The following KLK3 variants were observed in gnomAD, a reference collection of about 807,000 sequenced individuals.
KLK3 encodes the protein prostate-specific antigen.
In KLK3, 23 loss-of-function variants were observed where a neutral mutation model predicts 27.7. The observed-to-expected ratio is 0.83, with a 90% CI of 0.60 to 1.17. The LOEUF (loss-of-function observed/expected upper bound fraction) is 1.17. Ranked by LOEUF, KLK3 falls within the 50% of genes most tolerant of loss-of-function variation. The pLI, the probability that KLK3 is intolerant of heterozygous loss-of-function variation, is 0.00. For missense variants in KLK3, 322 were observed against 338.1 expected (o/e 0.95, Z 0.37); for synonymous variants, 142 against 134.2 (o/e 1.06, Z -0.40).
In KLK3 at chr19:50,854,976, C is replaced by A. The variant is rs1336910940; in HGVS notation, c.21C>A (p.Phe7Leu). The A allele has an allele frequency of 6.2e-7, 1 of 1,613,906 alleles. No individual in the cohort carries two copies. Among genetic ancestry groups the A allele is most frequent in the African/African-American group, 1.3e-5 (1 of 75,010 alleles). ...TCACCATGTGGGTCCCGGTTGTCTT[C>A]CTCACCCTGTCCGTGACGTGGATTG... Reference protein sequence around the residue: MWVPVVFLTLSVTWIGA... With the variant: MWVPVVLLTLSVTWIGA... The change falls in exon 1 of 5, where the codon TTC becomes TTA. Residue 7 changes from phenylalanine (F) to leucine (L), a missense_variant. By Grantham distance (22) the Phe-to-Leu change is conservative. Transcript: ENST00000326003.
rs942756958 is a variant in KLK3, at chr19:50,856,154, A to G, written c.47-86A>G. On this transcript the variant is annotated intron_variant, in intron 1 of 4. Coordinates refer to ENST00000326003, the MANE Select transcript of KLK3 (RefSeq NM_001648.2). ...GTTCTCTGCCCCCGTGTCTTTTCAA[A>G]CCCACATCCTAAATCCATCTCCTAT... The G allele has an allele frequency of 2.7e-5, 34 of 1,268,012 alleles. No individual in the cohort carries two copies. The Admixed American group carries it at 6.2e-4, about 23-fold the overall frequency. 78.5% of individuals were successfully genotyped at this position (1,268,012 alleles called of 1,614,324 possible).
At position 50,860,199 on chromosome 19, in the gene KLK3, C is replaced by G; in HGVS notation, c.*72C>G. ...TGACCAGGCCAAGACTCAAGCCTCCCCAGTTCTACTGACCTTTGTCCTTAG... is the reference window on the plus strand; with the variant it reads ...TGACCAGGCCAAGACTCAAGCCTCCGCAGTTCTACTGACCTTTGTCCTTAG... On this transcript the variant is annotated 3_prime_UTR_variant, in exon 5 of 5. Coordinates refer to ENST00000326003, the MANE Select transcript of KLK3 (RefSeq NM_001648.2). The G allele has an allele frequency of 1.7e-6, 2 of 1,175,656 alleles. No individual in the cohort carries two copies. Among genetic ancestry groups the G allele is most frequent in the Non-Finnish European group, 2.5e-6 (2 of 804,754 alleles). The allele number at this position is 1,175,656 out of a possible 1,614,324, so 72.8% of individuals were successfully genotyped here.
At chr19:50,856,796 C>T (rs1568495446) in intron 2 of KLK3, 1 of 181,546 alleles carries the variant, frequency 5.5e-6, no homozygotes, top group Non-Finnish European at 1.1e-5. Context: ...CTCTGTCTCT[C>T]GGTCTCTGTC....
At chr19:50,855,071 C>T (rs1418780510) in intron 1 of KLK3, 70 bp downstream of exon 1, 14 of 1,523,922 alleles carry the variant, frequency 9.2e-6, no homozygotes, top group Non-Finnish European at 1.2e-5. Context: ...GAGGCTCTTT[C>T]CCCCCCAACC....
chr19:50,859,911 G>A lies in KLK3; in HGVS notation c.631-61G>A, dbSNP rs2090173904. 3.9e-6 allele frequency: 6 copies of A among 1,551,328 alleles called. No homozygotes were observed. The South Asian group carries it at 4.9e-5, about 13-fold the overall frequency. On this transcript the variant is annotated intron_variant, in intron 4 of 4. Transcript: ENST00000326003. Reference sequence around the variant, plus strand: ...TCTGCCTGTCCAGGTCTGAAAGATAGGATTGCCCAGGCAGAAACTGGGACT... The same window carrying A: ...TCTGCCTGTCCAGGTCTGAAAGATAAGATTGCCCAGGCAGAAACTGGGACT...
chr19:50,856,222 C>A lies in KLK3; in HGVS notation c.47-18C>A. 6.2e-7 allele frequency: 1 copy of A among 1,606,576 alleles called. No individual in the cohort carries two copies. The highest frequency in any genetic ancestry group is 8.5e-7 in the Non-Finnish European group (1 of 1,176,464). ...TCCTGTCAACCCTGATTCCCCTGAT[C>A]TAGCACCCCCTCTGCAGGTGCTGCA... On this transcript the variant is annotated intron_variant, in intron 1 of 4. Transcript: ENST00000326003.
At chr19:50,858,796 T>C in intron 4 of KLK3, 1 of 633,040 alleles carries the variant, frequency 1.6e-6, no homozygotes, top group East Asian at 2.7e-5. Flanking sequence ...ACAGCACAAC[T>C]CATCTGTTCC....
At chr19:50,859,450 C>A in intron 4 of KLK3, 1 of 1,183,776 alleles carries the variant, frequency 8.4e-7, no homozygotes, top group Non-Finnish European at 1.3e-6. Context: ...ATTGTCCCCA[C>A]CTGGGCCCTT....
At chr19:50,859,525 C>A (rs1380424676) in intron 4 of KLK3, 12 of 1,610,322 alleles carry the variant, frequency 7.5e-6, no homozygotes, top group Non-Finnish European at 9.3e-6. Context: ...TCCACCTACC[C>A]ACAGTGGGTC....
intron 4 of KLK3, chr19:50,858,990 C>A: frequency 2.9e-6 from 1 of 344,350 alleles, no homozygotes; most frequent in Non-Finnish European, 5.3e-6. Context: ...GGTGATCAGG[C>A]TCTCGGGGAG....
chr19:50,858,247 C>G lies in KLK3; in HGVS notation c.425C>G (p.Pro142Arg). Residue 142 changes from proline to arginine, a missense_variant, in exon 3 of 5, where the codon CCC becomes CGC. By Grantham distance (103) the Pro-to-Arg change is moderately radical. Transcript: ENST00000326003. Reference sequence around the variant, plus strand: ...GATGCTGTGAAGGTCATGGACCTGCCCACCCAGGAGCCAGCACTGGGGACC... The same window carrying G: ...GATGCTGTGAAGGTCATGGACCTGCGCACCCAGGAGCCAGCACTGGGGACC... Reference protein sequence around the residue: ...LTDAVKVMDLPTQEPALGTTC... With the variant: ...LTDAVKVMDLRTQEPALGTTC... 3.1e-6 allele frequency: 5 copies of G among 1,614,162 alleles called. No homozygotes were observed. Among genetic ancestry groups the G allele is most frequent in the Non-Finnish European group, 4.2e-6 (5 of 1,180,046 alleles).
chr19:50,859,888 T>A (rs906623706), intron 4 of KLK3, 84 bp from the exon 5 acceptor site: 2 of 1,527,506 alleles, frequency 1.3e-6, no homozygotes, highest in African/African-American at 2.8e-5. Context: ...ATCTGTTATC[T>A]GCCTGTCCAG....
rs749897325 is a variant in KLK3, at chr19:50,860,194, C to A, written c.*67C>A. On this transcript the variant is annotated 3_prime_UTR_variant, in exon 5 of 5. Coordinates refer to ENST00000326003, the MANE Select transcript of KLK3 (RefSeq NM_001648.2). ...GGAAATGACCAGGCCAAGACTCAAG[C>A]CTCCCCAGTTCTACTGACCTTTGTC... The A allele has an allele frequency of 1.7e-4, 213 of 1,230,428 alleles. 3 individuals are homozygous for A. In the South Asian group the frequency reaches 2.0e-3, roughly 12 times the overall value. The allele number at this position is 1,230,428 out of a possible 1,614,324, so 76.2% of individuals were successfully genotyped here. A position where few individuals can be genotyped will look rare whatever the true frequency, so the allele number is the denominator to read the frequency against.
intron 1 of KLK3, 171 bp from the exon 2 acceptor site, chr19:50,856,069 T>A: frequency 1.6e-6 from 1 of 607,820 alleles, no homozygotes; most frequent in African/African-American, 1.9e-5. Context: ...TAGGGAAGAT[T>A]GACAGAATTC....
chr19:50,857,312 C>T (rs2090156076), intron 2 of KLK3: 1 of 152,422 alleles, frequency 6.6e-6, no homozygotes, highest in Non-Finnish European at 1.5e-5. Flanking sequence ...CAGAGAAGGG[C>T]TGGTTCCAGC....
chr19:50,857,814 T>C (rs916388389), intron 2 of KLK3: 27 of 555,502 alleles, frequency 4.9e-5, no homozygotes, highest in Non-Finnish European at 7.9e-5. Context: ...CCTTTTTCCC[T>C]TGGTTTCTCT....
intron 1 of KLK3, chr19:50,855,211 T>G (rs1430209672): frequency 1.7e-6 from 1 of 576,894 alleles, no homozygotes; most frequent in Non-Finnish European, 3.1e-6. Context: ...TCCCTCCCAC[T>G]TACCCCAGAA....
intron 4 of KLK3, 199 bp downstream of exon 4, chr19:50,858,794 ACTCAT>A: frequency 1.6e-6 from 1 of 632,558 alleles, no homozygotes; most frequent in Non-Finnish European, 2.7e-6. Context: ...TTACAGCACA[ACTCAT>A]CTGTTCCTGC....
intron 1 of KLK3, chr19:50,855,787 AAC>A (rs2090142960): frequency 6.4e-6 from 1 of 155,736 alleles, no homozygotes; most frequent in East Asian, 1.9e-4. Context: ...GGACTTCCTA[AAC>A]TTTCCAAAAC....
Sources: allele counts gnomAD v4.1 joint callset, GRCh38; gene constraint gnomAD v4.1.1; transcripts MANE v1.5; gene names NCBI Gene and HGNC (gene_info 2026-07-23, HGNC 2026-07-21).